B3GALT1: variants seen among roughly 807,000 people sequenced by gnomAD.
B3GALT1 encodes the protein UDP-Gal:betaGlcNAc beta 1,3-galactosyltransferase, polypeptide 1.
A neutral mutation model predicts 23.2 loss-of-function variants in B3GALT1; 10 were observed. The observed-to-expected ratio is 0.43, with a 90% CI of 0.27 to 0.73. B3GALT1 has a LOEUF of 0.73. Ranked by LOEUF, B3GALT1 falls within the 30% of genes least tolerant of loss-of-function variation. The pLI, the probability that B3GALT1 is intolerant of heterozygous loss-of-function variation, is 0.21. For synonymous variants in B3GALT1, 156 were observed against 141.5 expected, an observed-to-expected ratio of 1.10 and a Z score of -0.73; for missense variants, 299 against 405.4, an observed-to-expected ratio of 0.74 and a Z score of 2.25.
intron 1 of B3GALT1, among the ~76,000 whole-genome samples, chr2:167,356,272 A>C (rs73017790): frequency 0.01 from 1,547 of 152,350 alleles, 32 homozygotes; most frequent in African/African-American, 0.035. Context: ...AACTACACCA[A>C]GTAATGAAAA....
chr2:167,378,336 T>C (rs1204366655), intron 1 of B3GALT1, among the ~76,000 whole-genome samples: 1 of 152,124 alleles, frequency 6.6e-6, no homozygotes, highest in East Asian at 1.9e-4. Context: ...CTCGCAGGTG[T>C]TCTCTGGATT....
At chr2:167,616,899 T>A (rs1339125583) in intron 2 of B3GALT1, among the ~76,000 whole-genome samples, 1 of 152,104 alleles carries the variant, frequency 6.6e-6, no homozygotes, top group African/African-American at 2.4e-5. Context: ...ATCTCCTCTA[T>A]CTGAGAAGGT....
intron 2 of B3GALT1, among the ~76,000 whole-genome samples, chr2:167,526,921 A>G (rs1683229494): frequency 6.6e-6 from 1 of 152,246 alleles, no homozygotes; most frequent in South Asian, 2.1e-4. Context: ...TTCTATGACT[A>G]CGTATTTGAA....
chr2:167,474,640 C>CTA (rs1274622396), intron 1 of B3GALT1, among the ~76,000 whole-genome samples: 1 of 152,092 alleles, frequency 6.6e-6, no homozygotes, highest in Non-Finnish European at 1.5e-5. Context: ...GATTCAGGCC[C>CTA]TATAAAACCT....
chr2:167,830,841 A>C (rs1364692786), intron 4 of B3GALT1, among the ~76,000 whole-genome samples: 2 of 152,234 alleles, frequency 1.3e-5, no homozygotes, highest in Non-Finnish European at 2.9e-5. Flanking sequence ...GACCGTTCCC[A>C]GGAAGCAGCA....
intron 2 of B3GALT1, among the ~76,000 whole-genome samples, chr2:167,555,513 C>G (rs1683829027): frequency 6.6e-6 from 1 of 152,120 alleles, no homozygotes; most frequent in Non-Finnish European, 1.5e-5. Flanking sequence ...ACATCTGGAG[C>G]TATCTTTTTG....
intron 2 of B3GALT1, among the ~76,000 whole-genome samples, chr2:167,588,329 A>G (rs2105413351): frequency 6.6e-6 from 1 of 152,358 alleles, no homozygotes; most frequent in Middle Eastern, 3.4e-3. Context: ...TGTTTTGCTA[A>G]TTAAAGCAAA....
At chr2:167,840,176 A>G (rs1689607569) in intron 4 of B3GALT1, among the ~76,000 whole-genome samples, 1 of 151,696 alleles carries the variant, frequency 6.6e-6, no homozygotes, top group African/African-American at 2.4e-5. Flanking sequence ...AAAATTGACA[A>G]ATGGGATCTA....
chr2:167,760,821 C>T (rs772913313), intron 3 of B3GALT1, among the ~76,000 whole-genome samples: 1 of 152,150 alleles, frequency 6.6e-6, no homozygotes, highest in South Asian at 2.1e-4. Flanking sequence ...TAATACATAT[C>T]ATGTGGCACT....
At chr2:167,296,550 C>G in intron 1 of B3GALT1, among the ~76,000 whole-genome samples, 1 of 152,120 alleles carries the variant, frequency 6.6e-6, no homozygotes, top group Non-Finnish European at 1.5e-5. Context: ...GAAGGAATTT[C>G]GCCATGCTGC....
intron 3 of B3GALT1, among the ~76,000 whole-genome samples, chr2:167,751,183 T>C (rs557619089): frequency 6.6e-6 from 1 of 152,342 alleles, no homozygotes; most frequent in South Asian, 2.1e-4. Flanking sequence ...CTGTGGATTA[T>C]ATTTTGGCAC....
At chr2:167,646,642 A>G (rs1685752483) in intron 2 of B3GALT1, among the ~76,000 whole-genome samples, 1 of 152,214 alleles carries the variant, frequency 6.6e-6, no homozygotes. Context: ...CTGAATTGGC[A>G]CAGTTCTGAA....
At chr2:167,542,692 A>G (rs1683552624) in intron 2 of B3GALT1, among the ~76,000 whole-genome samples, 1 of 152,146 alleles carries the variant, frequency 6.6e-6, no homozygotes, top group Non-Finnish European at 1.5e-5. Context: ...GCAAGTCCAC[A>G]AAGTGGAATT....
intron 3 of B3GALT1, among the ~76,000 whole-genome samples, chr2:167,693,318 G>T (rs1233415074): frequency 6.6e-6 from 1 of 152,062 alleles, no homozygotes; most frequent in Non-Finnish European, 1.5e-5. Flanking sequence ...GCCAATGAGT[G>T]TGGCAGTCTC....
At chr2:167,838,447 A>G (rs1003970040) in intron 4 of B3GALT1, among the ~76,000 whole-genome samples, 154 of 152,378 alleles carry the variant, frequency 1.0e-3, no homozygotes, top group African/African-American at 3.3e-3. Context: ...TAAATTCCTC[A>G]ACACATACAC....
chr2:167,628,037 A>T (rs966680679), intron 2 of B3GALT1, among the ~76,000 whole-genome samples: 2 of 151,710 alleles, frequency 1.3e-5, no homozygotes, highest in East Asian at 1.9e-4. Flanking sequence ...TTGCCCATTT[A>T]AAAAAATTTG....
chr2:167,568,544 A>T (rs1218978406), intron 2 of B3GALT1, among the ~76,000 whole-genome samples: 1 of 151,914 alleles, frequency 6.6e-6, no homozygotes, highest in Non-Finnish European at 1.5e-5. Context: ...TTAGTGAGTT[A>T]CCTGTTAAGG....
At chr2:167,302,186 T>G (rs1696459007) in intron 1 of B3GALT1, among the ~76,000 whole-genome samples, 1 of 152,200 alleles carries the variant, frequency 6.6e-6, no homozygotes, top group South Asian at 2.1e-4. Flanking sequence ...AAATTTAGTA[T>G]GAAGAAGGAC....
At chr2:167,646,305 T>G (rs1437922302) in intron 2 of B3GALT1, among the ~76,000 whole-genome samples, 1 of 152,176 alleles carries the variant, frequency 6.6e-6, no homozygotes, top group East Asian at 1.9e-4. Flanking sequence ...TCCAGGTCAC[T>G]CATGGGTAGG....
Sources: allele counts gnomAD v4.1 joint callset (sites outside exome capture counted in the v4.1 genomes callset), GRCh38; gene constraint gnomAD v4.1.1; transcripts MANE v1.5; gene names NCBI Gene and HGNC (gene_info 2026-07-23, HGNC 2026-07-21).